The following TBL1X variants were observed in gnomAD, a reference collection of about 807,000 sequenced individuals.
The protein encoded by TBL1X is transducin beta like 1 X-linked, also known as F-box-like/WD repeat-containing protein TBL1X.
TBL1X carries 10 observed loss-of-function variants against 50.7 expected under a neutral mutation model. The observed-to-expected ratio is 0.20, with a 90% CI of 0.12 to 0.33. The LOEUF is 0.33. TBL1X is among the 10% of genes least tolerant of loss of function. TBL1X has a pLI of 1.00. For missense variants in TBL1X, 340 were observed against 504.4 expected (o/e 0.67, Z 3.12); for synonymous variants, 190 against 214.7 (o/e 0.88, Z 1.01).
intron 2 of TBL1X, among the ~76,000 whole-genome samples, chrX:9,556,606 C>T (rs1263756289): frequency 2.8e-5 from 3 of 108,323 alleles, no homozygotes; most frequent in African/African-American, 1.0e-4. Context: ...GTGAGCCATG[C>T]GAGTGCTCCA....
At chrX:9,594,753 T>C (rs765486871) in intron 2 of TBL1X, among the ~76,000 whole-genome samples, 5 of 112,255 alleles carry the variant, frequency 4.5e-5, no homozygotes, top group African/African-American at 1.6e-4. Context: ...TGAATTGTTA[T>C]TTTAAATGGT....
At chrX:9,553,585 C>G (rs2082281011) in intron 2 of TBL1X, among the ~76,000 whole-genome samples, 1 of 111,498 alleles carries the variant, frequency 9.0e-6, no homozygotes, top group African/African-American at 3.3e-5. Flanking sequence ...GGCAAAAGAT[C>G]AGGGCCTGGG....
intron 5 of TBL1X, among the ~76,000 whole-genome samples, chrX:9,657,907 G>GGTTT (rs2082873543): frequency 8.9e-6 from 1 of 112,288 alleles, no homozygotes. Context: ...CGAGTGATAT[G>GGTTT]GTTTGGCCAT....
chrX:9,557,464 T>C (rs759734878), intron 2 of TBL1X, among the ~76,000 whole-genome samples: 2 of 110,074 alleles, frequency 1.8e-5, no homozygotes, highest in South Asian at 3.9e-4. Flanking sequence ...AGAGATGCAA[T>C]GGGGCTGCTT....
At chrX:9,556,928 C>T (rs758894128) in intron 2 of TBL1X, among the ~76,000 whole-genome samples, 1 of 110,494 alleles carries the variant, frequency 9.1e-6, no homozygotes, top group African/African-American at 3.3e-5. Context: ...CATTGCATTT[C>T]CCCTTTCACA....
At position 9,716,243 on chromosome X, in the gene TBL1X, G is replaced by C; in HGVS notation, c.1731G>C (p.Lys577Asn). 8.3e-7 allele frequency: 1 copy of C among 1,209,667 alleles called. No individual in the cohort carries two copies. The highest frequency in any genetic ancestry group is 1.1e-6 in the Non-Finnish European group (1 of 894,008). Residue 577 changes from lysine (K) to asparagine (N), a missense_variant, in exon 18 of 18, where the codon AAG becomes AAC. Around this residue, in one of 6 missense-constraint regions of TBL1X, gnomAD observed 170 missense variants for 272.6 expected, o/e 0.62. Coordinates refer to ENST00000645353, the MANE Select transcript of TBL1X (RefSeq NM_005647.4). ...AGGTGTGTGTTTTGGATCTGCGGAA[G>C]TAACCACAAAATATTATCGAAAAAA... ...DGSVCVLDLRK is the reference protein window; with the variant it reads ...DGSVCVLDLRN
At chrX:9,517,188 G>C (rs1052689300) in intron 2 of TBL1X, among the ~76,000 whole-genome samples, 4 of 111,202 alleles carry the variant, frequency 3.6e-5, no homozygotes, top group Non-Finnish European at 7.5e-5. Context: ...TTTCTTGCAC[G>C]TTTGAGAGCT....
intron 2 of TBL1X, among the ~76,000 whole-genome samples, chrX:9,564,369 C>T (rs2082338118): frequency 9.0e-6 from 1 of 111,687 alleles, no homozygotes. Context: ...CAGAAAGAGG[C>T]AGAAGGAATT....
chrX:9,600,875 G>A (rs1048138507), intron 2 of TBL1X, among the ~76,000 whole-genome samples: 2 of 111,482 alleles, frequency 1.8e-5, no homozygotes, highest in Non-Finnish European at 3.8e-5. Context: ...GGATGACAGA[G>A]GCTTAAGGAC....
chrX:9,602,046 G>A (rs1243424166), intron 2 of TBL1X, among the ~76,000 whole-genome samples: 2 of 111,850 alleles, frequency 1.8e-5, no homozygotes, highest in Non-Finnish European at 3.8e-5. Flanking sequence ...TGTGTCTTGA[G>A]AAAACAAAAA....
intron 17 of TBL1X, 84 bp from the exon 18 acceptor site, chrX:9,716,136 G>A (rs1411610254): frequency 9.6e-7 from 1 of 1,045,600 alleles, no homozygotes; most frequent in Non-Finnish European, 1.3e-6. Flanking sequence ...ATTGGGCGTG[G>A]GGGCCGTAGC....
At chrX:9,546,962 G>A (rs1185234187) in intron 2 of TBL1X, among the ~76,000 whole-genome samples, 1 of 103,432 alleles carries the variant, frequency 9.7e-6, no homozygotes, top group Admixed American at 1.0e-4. Context: ...GGGACTACAG[G>A]CGCCCGCTAC....
chrX:9,659,323 G>A (rs961873268), intron 5 of TBL1X, among the ~76,000 whole-genome samples: 55 of 111,497 alleles, frequency 4.9e-4, no homozygotes, highest in Non-Finnish European at 1.3e-4. Flanking sequence ...CTAGAGTTTT[G>A]CCCTTGCAAG....
chrX:9,578,008 T>C (rs1010732507), intron 2 of TBL1X, among the ~76,000 whole-genome samples: 1 of 112,265 alleles, frequency 8.9e-6, no homozygotes, highest in Non-Finnish European at 1.9e-5. Flanking sequence ...CAGTTTTCTC[T>C]GAAATTGAAT....
intron 2 of TBL1X, among the ~76,000 whole-genome samples, chrX:9,577,904 G>A (rs1047840173): frequency 1.8e-5 from 2 of 112,508 alleles, no homozygotes; most frequent in African/African-American, 6.5e-5. Context: ...TGTTTGTCGT[G>A]AGTCAAGACG....
chrX:9,628,909 A>T (rs991149617), intron 2 of TBL1X, among the ~76,000 whole-genome samples: 2 of 112,062 alleles, frequency 1.8e-5, no homozygotes, highest in Non-Finnish European at 3.8e-5. Flanking sequence ...CTTAACAGAA[A>T]GTGATGTTGC....
intron 2 of TBL1X, chrX:9,639,699 G>A (rs1040497825): frequency 3.6e-5 from 4 of 111,788 alleles, no homozygotes; most frequent in African/African-American, 1.3e-4. Flanking sequence ...AGGAGCCGGA[G>A]GAGAAAGGAT....
In TBL1X at chrX:9,521,588, C is replaced by T. The variant is rs1239359461; in HGVS notation, c.-131+19739C>T. ...TGGTTCCAGGACCTCCTGCGGATACCCAAATGATTGCACACTCAAATCCTG... is the reference window on the plus strand; with the variant it reads ...TGGTTCCAGGACCTCCTGCGGATACTCAAATGATTGCACACTCAAATCCTG... On this transcript the variant is annotated intron_variant, in intron 2 of 17. Coordinates refer to ENST00000645353, the MANE Select transcript of TBL1X (RefSeq NM_005647.4). Among the ~76,000 whole-genome samples, 3 of 111,715 alleles carry T rather than the reference C, an allele frequency of 2.7e-5. No homozygotes were observed. In the Admixed American group the frequency reaches 2.8e-4, roughly 11 times the overall value.
chrX:9,670,356 G>T (rs2082953642), intron 5 of TBL1X, among the ~76,000 whole-genome samples: 1 of 110,957 alleles, frequency 9.0e-6, no homozygotes, highest in Non-Finnish European at 1.9e-5. Flanking sequence ...AACCCAACCA[G>T]TCAGGATGCT....
Sources: gnomAD v4.1 joint callset for allele counts (sites outside exome capture counted in the v4.1 genomes callset) on GRCh38, gnomAD v4.1.1 for gene constraint, gnomAD v4.1.1 regional missense constraint, MANE v1.5 for transcripts, NCBI Gene and HGNC (gene_info 2026-07-23, HGNC 2026-07-21) for gene names.